B3GALT5: variants seen among roughly 807,000 people sequenced by gnomAD.
The protein encoded by B3GALT5 is UDP-Gal:betaGlcNAc beta 1,3-galactosyltransferase, polypeptide 5.
For missense variants in B3GALT5, 328 were observed against 396.6 expected, an observed-to-expected ratio of 0.83 and a Z score of 1.47; for synonymous variants, 156 against 158.6, an observed-to-expected ratio of 0.98 and a Z score of 0.12.
rs2079580150 is a variant in B3GALT5 at position 39,666,542 on chromosome 21, C to A, written c.*5050C>A. 6.6e-6 allele frequency: 1 copy of A among 152,246 alleles called. No homozygotes were observed. Among genetic ancestry groups the A allele is most frequent in the African/African-American group, 2.4e-5 (1 of 41,430 alleles). The allele number at this position is 152,246 out of a possible 1,614,324, so 9.4% of individuals were successfully genotyped here. A position where few individuals can be genotyped will look rare whatever the true frequency, so the allele number is the denominator to read the frequency against. On this transcript the variant is annotated 3_prime_UTR_variant, in exon 4 of 4. Transcript: ENST00000684187. Reference sequence around the variant, plus strand: ...CTCCTGACCTCAGGTAATCTACGTGCCTCAGCCTCCCAGAGTGCTGGGATT... The same window carrying A: ...CTCCTGACCTCAGGTAATCTACGTGACTCAGCCTCCCAGAGTGCTGGGATT...
In B3GALT5 at chr21:39,659,857, G is replaced by A; in HGVS notation, c.-56G>A. 1.0e-6 allele frequency: 1 copy of A among 985,060 alleles called. No homozygotes were observed. Among genetic ancestry groups the A allele is most frequent in the African/African-American group, 1.7e-5 (1 of 57,202 alleles). The allele number at this position is 985,060 out of a possible 1,614,324, so 61.0% of individuals were successfully genotyped here. A position where few individuals can be genotyped will look rare whatever the true frequency, so the allele number is the denominator to read the frequency against. ...GTTCTTTGAGACAAATTTCCTCTTG[G>A]CATTTACACTGTGGCTTTAGCTTTC... On this transcript the variant is annotated 5_prime_UTR_variant, in exon 3 of 4. Transcript: ENST00000684187.
rs1169970445 is a variant in B3GALT5, at chr21:39,671,630, G to A, written c.*10138G>A. Reference sequence around the variant, plus strand: ...TTTTTATTTCTGTTTCGTTCTACGTGACCCCAAAATCTGTATGTGAACACT... The same window carrying A: ...TTTTTATTTCTGTTTCGTTCTACGTAACCCCAAAATCTGTATGTGAACACT... On this transcript the variant is annotated 3_prime_UTR_variant, in exon 4 of 4. Coordinates refer to ENST00000684187, the MANE Select transcript of B3GALT5 (RefSeq NM_001356336.2). The A allele has an allele frequency of 6.6e-6, 1 of 152,182 alleles. No homozygotes were observed. Among genetic ancestry groups the A allele is most frequent in the Non-Finnish European group, 1.5e-5 (1 of 68,046 alleles). 9.4% of individuals were successfully genotyped at this position (152,182 alleles called of 1,614,324 possible).
intron 1 of B3GALT5, among the ~76,000 whole-genome samples, chr21:39,616,124 C>T (rs1666244470): frequency 6.6e-6 from 1 of 152,074 alleles, no homozygotes; most frequent in Non-Finnish European, 1.5e-5. Flanking sequence ...CAGGCAGGAG[C>T]ATTGCTTGAG....
intron 1 of B3GALT5, among the ~76,000 whole-genome samples, chr21:39,636,842 G>A (rs999803094): frequency 1.3e-5 from 2 of 152,154 alleles, no homozygotes; most frequent in Admixed American, 1.3e-4. Flanking sequence ...AGTCTGCTGG[G>A]GAGCAGAGCA....
At chr21:39,654,651 A>G (rs970578723) in intron 2 of B3GALT5, among the ~76,000 whole-genome samples, 1 of 152,226 alleles carries the variant, frequency 6.6e-6, no homozygotes, top group African/African-American at 2.4e-5. Context: ...GGAAGAGTCA[A>G]TTGATGTGGC....
intron 1 of B3GALT5, among the ~76,000 whole-genome samples, chr21:39,646,136 A>G (rs1235531644): frequency 3.9e-5 from 6 of 152,056 alleles, no homozygotes; most frequent in African/African-American, 1.5e-4. Context: ...CTGGTGTGGA[A>G]AGGTGGCAGG....
intron 1 of B3GALT5, among the ~76,000 whole-genome samples, chr21:39,643,064 AT>A (rs541986539): frequency 3.4e-4 from 51 of 150,026 alleles, no homozygotes; most frequent in African/African-American, 6.1e-4. Flanking sequence ...AAAAAAAAAA[AT>A]TTTTGTAAAT....
rs536157011 is a variant in B3GALT5, at chr21:39,671,795, GA to G, written c.*10305del. On this transcript the variant is annotated 3_prime_UTR_variant, in exon 4 of 4. Transcript: ENST00000684187. The stretch of plus-strand genomic sequence containing the variant: ...GTGGCCCCTGGGAATGTAGAGGCAT[GA>G]ATTTCTGTCTGTTTTCCTGCTGTTG... 6.6e-5 allele frequency: 10 copies of G among 152,276 alleles called. No individual in the cohort carries two copies. The highest frequency in any genetic ancestry group is 1.9e-4 in the African/African-American group (8 of 41,548). 9.4% of individuals were successfully genotyped at this position (152,276 alleles called of 1,614,324 possible).
At chr21:39,637,210 A>G (rs1379002158) in intron 1 of B3GALT5, among the ~76,000 whole-genome samples, 2 of 152,156 alleles carry the variant, frequency 1.3e-5, no homozygotes, top group Non-Finnish European at 2.9e-5. Context: ...TTTCCTTTCT[A>G]GGGGCATTGT....
chr21:39,654,917 C>G (rs2146211952), intron 2 of B3GALT5, among the ~76,000 whole-genome samples: 1 of 152,330 alleles, frequency 6.6e-6, no homozygotes, highest in Non-Finnish European at 1.5e-5. Context: ...GTAAACATAA[C>G]TTTAAATGCA....
At position 39,671,530 on chromosome 21, in the gene B3GALT5, G is replaced by T. The variant is rs1425705088; in HGVS notation, c.*10038G>T. The T allele has an allele frequency of 6.6e-6, 1 of 152,156 alleles. No individual in the cohort carries two copies. Among genetic ancestry groups the T allele is most frequent in the Non-Finnish European group, 1.5e-5 (1 of 68,032 alleles). The allele number at this position is 152,156 out of a possible 1,614,324, so 9.4% of individuals were successfully genotyped here. On this transcript the variant is annotated 3_prime_UTR_variant, in exon 4 of 4. Coordinates refer to ENST00000684187, the MANE Select transcript of B3GALT5 (RefSeq NM_001356336.2). ...ACTCCCATCACAAGAAAGAATGGTG[G>T]CCTGGGAGTGAGCTGTAAGGTTCCT...
At chr21:39,620,756 A>T (rs1479772016) in intron 1 of B3GALT5, among the ~76,000 whole-genome samples, 1 of 145,870 alleles carries the variant, frequency 6.9e-6, no homozygotes, top group East Asian at 1.9e-4. Flanking sequence ...GAGTAGCCTG[A>T]ATTAGCAATT....
At chr21:39,655,282 C>T (rs1026920825) in intron 2 of B3GALT5, among the ~76,000 whole-genome samples, 6 of 152,364 alleles carry the variant, frequency 3.9e-5, no homozygotes, top group South Asian at 2.1e-4. Flanking sequence ...CTTTTACTCA[C>T]GAGAGGGTCA....
intron 1 of B3GALT5, among the ~76,000 whole-genome samples, chr21:39,640,774 G>A (rs2146200302): frequency 6.6e-6 from 1 of 151,686 alleles, no homozygotes; most frequent in South Asian, 2.1e-4. Flanking sequence ...TCAAGACAGA[G>A]TCTTGCTCTG....
intron 1 of B3GALT5, among the ~76,000 whole-genome samples, chr21:39,644,211 C>G (rs1321573552): frequency 6.6e-6 from 1 of 152,112 alleles, no homozygotes; most frequent in African/African-American, 2.4e-5. Context: ...ATCAGATATG[C>G]ATTTGTTTCA....
At chr21:39,650,583 C>T (rs190485914) in intron 2 of B3GALT5, among the ~76,000 whole-genome samples, 27 of 152,268 alleles carry the variant, frequency 1.8e-4, no homozygotes, top group African/African-American at 6.3e-4. Flanking sequence ...AATTCCCTTT[C>T]AACCAAGGGG....
intron 1 of B3GALT5, among the ~76,000 whole-genome samples, chr21:39,633,332 T>C (rs1258783546): frequency 3.3e-5 from 5 of 152,140 alleles, no homozygotes; most frequent in African/African-American, 1.2e-4. Flanking sequence ...AGTGAAATGG[T>C]TATTTTTTGT....
At position 39,660,742 on chromosome 21, in the gene B3GALT5, G is replaced by A; in HGVS notation, c.183G>A (p.Leu61=). ...GGCAGACACCTCCCTTCCTCGTCCT[G>A]CTGGTGACCTCATCCCACAAACAGT... ...DCRQTPPFLV[L]LVTSSHKQLA... The change falls in exon 4 of 4, where the codon CTG becomes CTA. Residue 61 remains leucine (L), a synonymous_variant. Coordinates refer to ENST00000684187, the MANE Select transcript of B3GALT5 (RefSeq NM_001356336.2). The A allele has an allele frequency of 6.5e-7, 1 of 1,547,138 alleles. No homozygotes were observed. The highest frequency in any genetic ancestry group is 8.7e-7 in the Non-Finnish European group (1 of 1,147,374).
At chr21:39,631,183 A>G (rs1708448870) in intron 1 of B3GALT5, among the ~76,000 whole-genome samples, 1 of 152,228 alleles carries the variant, frequency 6.6e-6, no homozygotes, top group South Asian at 2.1e-4. Flanking sequence ...AAAGCCTTAA[A>G]TAACAAAAAC....
Sources: gnomAD v4.1 joint callset for allele counts (sites outside exome capture counted in the v4.1 genomes callset) on GRCh38, gnomAD v4.1.1 for gene constraint, MANE v1.5 for transcripts, NCBI Gene and HGNC (gene_info 2026-07-23, HGNC 2026-07-21) for gene names.